The following ABCB11 variants were observed in gnomAD, a reference collection of about 807,000 sequenced individuals.
ABCB11 encodes bile salt export pump.
ABCB11 carries 95 observed loss-of-function variants against 148.0 expected under a neutral mutation model. That is an observed-to-expected ratio of 0.64 (90% CI 0.54 to 0.76). The LOEUF is 0.76. Ranked by LOEUF, ABCB11 falls within the 30% of genes least tolerant of loss-of-function variation. The probability of loss-of-function intolerance (pLI) is 0.00; values close to 1 mark genes in which losing one functional copy is unlikely to be tolerated. For missense variants in ABCB11, 1,523 were observed against 1,617.8 expected (o/e 0.94, Z 1.01); for synonymous variants, 591 against 555.4 (o/e 1.06, Z -0.90).
chr2:168,981,715 G>A (rs191959081), intron 10 of ABCB11, among the ~76,000 whole-genome samples: 13 of 152,186 alleles, frequency 8.5e-5, no homozygotes, highest in South Asian at 4.2e-4. Flanking sequence ...CCCTAGATCC[G>A]GGGCCAGCAA....
downstream of ABCB11, among the ~76,000 whole-genome samples, chr2:168,918,173 T>C (rs1319118735): frequency 6.6e-6 from 1 of 152,080 alleles, no homozygotes. Context: ...ATTCCTTACG[T>C]GGGGGCTGAC....
intron 5 of ABCB11, among the ~76,000 whole-genome samples, chr2:169,011,970 C>T (rs187475308): frequency 6.6e-6 from 1 of 152,228 alleles, no homozygotes; most frequent in African/African-American, 2.4e-5. Flanking sequence ...TGGCTAGGAC[C>T]ATGCTCTTAA....
intron 19 of ABCB11, 123 bp from the exon 20 acceptor site, chr2:168,945,084 C>T: frequency 1.5e-6 from 1 of 661,336 alleles, no homozygotes; most frequent in Non-Finnish European, 2.6e-6. Context: ...ATAAAATATA[C>T]AACACCAAGA....
chr2:169,012,256 T>C (rs1489048520), intron 5 of ABCB11, among the ~76,000 whole-genome samples: 1 of 152,134 alleles, frequency 6.6e-6, no homozygotes, highest in Non-Finnish European at 1.5e-5. Flanking sequence ...AATATGTGGG[T>C]TCCTATGTGC....
chr2:168,954,003 CTG>C (rs1348073923), intron 19 of ABCB11, among the ~76,000 whole-genome samples: 1 of 151,640 alleles, frequency 6.6e-6, no homozygotes, highest in East Asian at 2.0e-4. Flanking sequence ...TACAACCAAA[CTG>C]TGCTCTGACT....
intron 5 of ABCB11, among the ~76,000 whole-genome samples, chr2:169,012,536 T>C (rs549251872): frequency 9.2e-5 from 14 of 151,856 alleles, no homozygotes; most frequent in Non-Finnish European, 1.8e-4. Context: ...CCTGAGGAGA[T>C]TGAGACCAGC....
chr2:168,957,946 G>T lies in ABCB11; in HGVS notation c.2343+18C>A. 6.6e-7 allele frequency: 1 copy of T among 1,515,254 alleles called. No homozygotes were observed. The highest frequency in any genetic ancestry group is 9.0e-7 in the Non-Finnish European group (1 of 1,116,768). 93.9% of individuals were successfully genotyped at this position (1,515,254 alleles called of 1,614,324 possible). ...AAAAGGTATGAGAAGAAGAAAGCTA[G>T]TCCAGCTGTGTACTTACCCCAAGAA... On this transcript the variant is annotated intron_variant, in intron 19 of 27. Coordinates refer to ENST00000650372, the MANE Select transcript of ABCB11 (RefSeq NM_003742.4).
chr2:168,973,336 T>C (rs1294180182), intron 13 of ABCB11, among the ~76,000 whole-genome samples: 1 of 152,030 alleles, frequency 6.6e-6, no homozygotes, highest in African/African-American at 2.4e-5. Flanking sequence ...GCACCATTAC[T>C]AAATATCAAT....
chr2:168,995,455 G>A lies in ABCB11; in HGVS notation c.505C>T (p.Arg169Cys), dbSNP rs1431455458. The A allele has an allele frequency of 1.2e-6, 2 of 1,611,392 alleles. No homozygotes were observed. The highest frequency in any genetic ancestry group is 1.7e-5 in the Admixed American group (1 of 59,688). ...AATTTTCTCATTTTCTGTATCTGAC[G>A]AGCTGCGGCAATGACCCAAAAGCAT... ...QICFWVIAAA[R>C]QIQKMRKFYF... The change falls in exon 7 of 28, where the codon CGT becomes TGT. Residue 169 changes from arginine (R) to cysteine (C), a missense_variant. Coordinates refer to ENST00000650372, the MANE Select transcript of ABCB11 (RefSeq NM_003742.4).
At position 168,921,718 on chromosome 2, in the gene ABCB11, G is replaced by C. The variant is rs1691078916; in HGVS notation, c.*1904C>G. On this transcript the variant is annotated 3_prime_UTR_variant, in exon 28 of 28. Coordinates refer to ENST00000650372, the MANE Select transcript of ABCB11 (RefSeq NM_003742.4). ...CCTTGGAAGTCAATTCCCATGCAAG[G>C]AGGAGACACCAAAAAGCCTGGGGAA... is the stretch of plus-strand genomic sequence containing the variant. 6.6e-6 allele frequency among the ~76,000 whole-genome samples: 1 copy of C among 152,040 alleles called. No individual in the cohort carries two copies. Among genetic ancestry groups the C allele is most frequent in the Non-Finnish European group, 1.5e-5 (1 of 68,014 alleles).
At chr2:169,015,722 A>G (rs796316680) in intron 3 of ABCB11, among the ~76,000 whole-genome samples, 8 of 152,012 alleles carry the variant, frequency 5.3e-5, no homozygotes, top group African/African-American at 1.9e-4. Flanking sequence ...TTTCCTTCTC[A>G]GAAAGAAAGT....
intron 19 of ABCB11, among the ~76,000 whole-genome samples, chr2:168,955,845 C>T (rs1010668700): frequency 6.6e-6 from 1 of 151,594 alleles, no homozygotes; most frequent in African/African-American, 2.4e-5. Context: ...GGGGTACAAG[C>T]ATTGGGTAAA....
downstream of ABCB11, among the ~76,000 whole-genome samples, chr2:168,916,321 C>T (rs1279956210): frequency 6.6e-6 from 1 of 152,170 alleles, no homozygotes; most frequent in Non-Finnish European, 1.5e-5. Context: ...AGGAGCTGTA[C>T]CTGAATTACA....
chr2:168,932,245 G>A, intron 24 of ABCB11, 132 bp downstream of exon 24: 1 of 732,292 alleles, frequency 1.4e-6, no homozygotes, highest in Non-Finnish European at 2.2e-6. Flanking sequence ...ACTTATGAGT[G>A]AGAACATGTG....
chr2:169,015,808 T>G (rs1374092996), intron 3 of ABCB11, among the ~76,000 whole-genome samples: 2 of 152,168 alleles, frequency 1.3e-5, no homozygotes, highest in Admixed American at 6.5e-5. Context: ...CACTAAAATG[T>G]AAACTCCTCA....
At position 168,932,478 on chromosome 2, in the gene ABCB11, T is replaced by C. The variant is rs759983106; in HGVS notation, c.3112A>G (p.Thr1038Ala). The change falls in exon 24 of 28, where the codon ACC (threonine) becomes GCC (alanine). Residue 1038 changes from threonine to alanine, a missense_variant. By Grantham distance (58) the Thr-to-Ala change is moderately conservative (BLOSUM62 0). Coordinates refer to ENST00000650372, the MANE Select transcript of ABCB11 (RefSeq NM_003742.4). ...ATTTTAGCTTTTGCATAACTTGGGG[T>C]GTAAGAGAAGGCTCTTCCAAGAGCT... ...ATALGRAFSY[T>A]PSYAKAKISA... 9.3e-6 allele frequency: 15 copies of C among 1,613,272 alleles called. No homozygotes were observed. Among genetic ancestry groups the C allele is most frequent in the African/African-American group, 1.3e-5 (1 of 74,852 alleles).
chr2:168,927,348 A>G lies in ABCB11; in HGVS notation c.3426T>C (p.His1142=). ...ACTGGACATTTACTTTTTTGCTGTC[A>G]TGACCATCTATCATCTGCCAATAGA... The part of the protein sequence containing the change: ...PDQGKVMIDG[H]DSKKVNVQFL... Residue 1142 remains histidine (H), a synonymous_variant, in exon 26 of 28, where the codon CAT becomes CAC. Coordinates refer to ENST00000650372, the MANE Select transcript of ABCB11 (RefSeq NM_003742.4). 2 of 1,613,710 alleles carry G rather than the reference A, an allele frequency of 1.2e-6. No individual in the cohort carries two copies. Among genetic ancestry groups the G allele is most frequent in the Admixed American group, 1.7e-5 (1 of 60,000 alleles).
At chr2:169,028,163 G>A (rs1695757431) in intron 1 of ABCB11, among the ~76,000 whole-genome samples, 1 of 151,936 alleles carries the variant, frequency 6.6e-6, no homozygotes, top group African/African-American at 2.4e-5. Context: ...ATCAGTTCAG[G>A]GCAGCCTGAG....
At position 168,976,653 on chromosome 2, in the gene ABCB11, T is replaced by C. The variant is rs1280723181; in HGVS notation, c.1232A>G (p.Tyr411Cys). ...TTCACCCTTGATTCGATCCAACTTG[T>C]AACCATCTTCTGACATGCAGTCAAT... is the stretch of plus-strand genomic sequence containing the variant. ...PIIDCMSEDG[Y>C]KLDRIKGEIE... The change falls in exon 12 of 28, where the codon TAC (tyrosine) becomes TGC (cysteine). Residue 411 changes from tyrosine (Y) to cysteine (C), a missense_variant. Transcript: ENST00000650372. The C allele has an allele frequency of 6.2e-7, 1 of 1,611,566 alleles. No homozygotes were observed. The highest frequency in any genetic ancestry group is 8.5e-7 in the Non-Finnish European group (1 of 1,178,276).
Sources: gnomAD v4.1 joint callset for allele counts (sites outside exome capture counted in the v4.1 genomes callset) on GRCh38, gnomAD v4.1.1 for gene constraint, MANE v1.5 for transcripts, NCBI Gene and HGNC (gene_info 2026-07-23, HGNC 2026-07-21) for gene names.